ANO4: variants seen among roughly 807,000 people sequenced by gnomAD.
ANO4 encodes the protein anoctamin-4.
Under a neutral mutation model 141.9 loss-of-function variants are expected in ANO4, and 69 were observed. That is an observed-to-expected ratio of 0.49 (90% CI 0.40 to 0.59). The LOEUF (loss-of-function observed/expected upper bound fraction) is 0.59, where lower values mean the gene tolerates loss of function less well. Ranked by LOEUF, ANO4 falls within the 20% of genes least tolerant of loss-of-function variation. ANO4 has a pLI of 0.00. For missense variants in ANO4, 894 were observed against 1,162.2 expected (o/e 0.77, Z 3.36); for synonymous variants, 350 against 394.3 (o/e 0.89, Z 1.33).
chr12:101,079,815 G>A (rs771256661), intron 15 of ANO4, among the ~76,000 whole-genome samples: 19 of 133,840 alleles, frequency 1.4e-4, no homozygotes, highest in Non-Finnish European at 3.1e-4. Context: ...AAACTGCCAA[G>A]GAGGGCCAGA....
At chr12:100,825,543 C>A (rs2036284984) in intron 1 of ANO4, among the ~76,000 whole-genome samples, 1 of 152,006 alleles carries the variant, frequency 6.6e-6, no homozygotes, top group Admixed American at 6.6e-5. Flanking sequence ...AGGAGCAGAA[C>A]AGACATTTTG....
At chr12:101,038,574 C>A (rs2047290049) in intron 10 of ANO4, 1 of 152,192 alleles carries the variant, frequency 6.6e-6, no homozygotes, top group South Asian at 2.1e-4. Flanking sequence ...GCTTTTCTGA[C>A]TTTTTACTCT....
chr12:100,995,643 T>TTTTGTGTTGTACATTGA (rs2045336925), intron 8 of ANO4, among the ~76,000 whole-genome samples: 1 of 152,240 alleles, frequency 6.6e-6, no homozygotes, highest in East Asian at 1.9e-4. Context: ...GTACACAAAA[T>TTTTGTGTTGTACATTGA]GTTTTAACTC....
chr12:101,070,194 A>C (rs1418892463), intron 14 of ANO4, among the ~76,000 whole-genome samples: 1 of 152,182 alleles, frequency 6.6e-6, no homozygotes, highest in East Asian at 1.9e-4. Context: ...ATCACAAAAG[A>C]CTCAGAATAG....
intron 1 of ANO4, among the ~76,000 whole-genome samples, chr12:100,862,928 G>A (rs531063266): frequency 2.6e-5 from 4 of 152,158 alleles, no homozygotes; most frequent in Non-Finnish European, 5.9e-5. Flanking sequence ...AGAGGGAAGA[G>A]GTATTATGTT....
At chr12:100,858,114 T>C (rs1397764200) in intron 1 of ANO4, among the ~76,000 whole-genome samples, 1 of 152,130 alleles carries the variant, frequency 6.6e-6, no homozygotes, top group Admixed American at 6.6e-5. Flanking sequence ...TACAGTCATG[T>C]ATTGCTTAAT....
chr12:100,918,162 A>C (rs1269361306), intron 2 of ANO4, among the ~76,000 whole-genome samples: 1 of 152,144 alleles, frequency 6.6e-6, no homozygotes, highest in African/African-American at 2.4e-5. Context: ...CCCTTTCTCT[A>C]TACAAAATAC....
chr12:100,726,271 T>G (rs2031114739), intron 1 of ANO4, among the ~76,000 whole-genome samples: 1 of 152,276 alleles, frequency 6.6e-6, no homozygotes, highest in African/African-American at 2.4e-5. Flanking sequence ...TTAAGGCCCT[T>G]CTGCCTTGGG....
intron 2 of ANO4, among the ~76,000 whole-genome samples, chr12:100,738,666 C>A (rs1035131746): frequency 6.6e-6 from 1 of 151,848 alleles, no homozygotes; most frequent in African/African-American, 2.4e-5. Context: ...TATGATGAAT[C>A]AGATACTATA....
intron 15 of ANO4, 89 bp from the exon 16 acceptor site, chr12:101,083,587 ACT>A: frequency 6.9e-7 from 1 of 1,458,036 alleles, no homozygotes; most frequent in Non-Finnish European, 9.2e-7. Flanking sequence ...GCAGCTGTTG[ACT>A]CTGTTTTATG....
intron 1 of ANO4, among the ~76,000 whole-genome samples, chr12:100,721,881 C>T (rs1398263951): frequency 1.4e-5 from 2 of 147,392 alleles, no homozygotes; most frequent in African/African-American, 2.5e-5. Context: ...TAAGTAGAGG[C>T]AGGGTCTTGA....
At chr12:101,104,613 G>A (rs929438255) in intron 22 of ANO4, among the ~76,000 whole-genome samples, 40 of 88,032 alleles carry the variant, frequency 4.5e-4, no homozygotes, top group East Asian at 1.5e-3. Flanking sequence ...GTGTGTGTGT[G>A]TGTATGTATG....
chr12:100,718,569 A>G (rs1429051331), intron 1 of ANO4, among the ~76,000 whole-genome samples: 2 of 152,178 alleles, frequency 1.3e-5, no homozygotes, highest in African/African-American at 4.8e-5. Context: ...CATTTTACCA[A>G]GGTTAACAGG....
At chr12:100,743,060 T>C (rs1462466347) in intron 3 of ANO4, among the ~76,000 whole-genome samples, 1 of 151,496 alleles carries the variant, frequency 6.6e-6, no homozygotes, top group Non-Finnish European at 1.5e-5. Context: ...ATGTTATGTA[T>C]TGTGATAAGT....
At chr12:101,069,028 C>CAA (rs961849877) in intron 14 of ANO4, 11 of 809,138 alleles carry the variant, frequency 1.4e-5, no homozygotes, top group South Asian at 1.3e-4. Context: ...GCAAAGATGT[C>CAA]AAGTTGGCTA....
chr12:101,057,788 A>G (rs2048183596), intron 14 of ANO4, among the ~76,000 whole-genome samples: 1 of 152,208 alleles, frequency 6.6e-6, no homozygotes, highest in African/African-American at 2.4e-5. Flanking sequence ...ATAGATTGCA[A>G]AAATTTTCTC....
chr12:100,980,002 A>C (rs1329525690), intron 7 of ANO4, among the ~76,000 whole-genome samples: 1 of 151,612 alleles, frequency 6.6e-6, no homozygotes, highest in African/African-American at 2.4e-5. Context: ...GGCCTCCCAA[A>C]GTGCTGGGAT....
At chr12:100,944,659 T>A (rs138914341) in intron 5 of ANO4, among the ~76,000 whole-genome samples, 82 of 152,268 alleles carry the variant, frequency 5.4e-4, no homozygotes, top group African/African-American at 1.8e-3. Flanking sequence ...TGACTTTGCA[T>A]AAATGGTGCA....
chr12:100,745,372 C>G (rs759244302), intron 3 of ANO4, among the ~76,000 whole-genome samples: 13 of 152,330 alleles, frequency 8.5e-5, no homozygotes, highest in Middle Eastern at 3.4e-3. Flanking sequence ...TTCTTATGCA[C>G]AGATTTAATT....
Sources: gnomAD v4.1 joint callset for allele counts (sites outside exome capture counted in the v4.1 genomes callset) on GRCh38, gnomAD v4.1.1 for gene constraint, MANE v1.5 for transcripts, NCBI Gene and HGNC (gene_info 2026-07-23, HGNC 2026-07-21) for gene names.